Variants in PAWR observed in about 807,000 individuals in gnomAD.
The protein encoded by PAWR is pro-apoptotic WT1 regulator, also known as PRKC apoptosis WT1 regulator protein.
A neutral mutation model predicts 32.0 loss-of-function variants in PAWR; 23 were observed. The observed-to-expected ratio is 0.72, with a 90% CI of 0.52 to 1.02. The LOEUF is 1.02. Among genes scored for constraint, PAWR ranks in the 50% least tolerant of loss-of-function variants. The pLI, the probability that PAWR is intolerant of heterozygous loss-of-function variation, is 0.00. For missense variants in PAWR, 457 were observed against 437.7 expected (o/e 1.04, Z -0.39); for synonymous variants, 226 against 187.1 (o/e 1.21, Z -1.70).
At chr12:79,596,223 A>G (rs530533750) in intron 5 of PAWR, among the ~76,000 whole-genome samples, 8 of 152,314 alleles carry the variant, frequency 5.3e-5, no homozygotes, top group Admixed American at 4.6e-4. Flanking sequence ...AATTGTTTCA[A>G]ACACCAAAGA....
In PAWR at chr12:79,589,487, C is replaced by A. The variant is rs1202224595; in HGVS notation, c.*3120G>T. On this transcript the variant is annotated 3_prime_UTR_variant, in exon 7 of 7. Coordinates refer to ENST00000328827, the MANE Select transcript of PAWR (RefSeq NM_002583.4). The stretch of plus-strand genomic sequence containing the variant: ...TTTTTAAACTGAAGAAAAAAAAAAA[C>A]TACATTGCTCCACATACCTGATACT... 6.6e-6 allele frequency: 1 copy of A among 151,294 alleles called. No homozygotes were observed. The highest frequency in any genetic ancestry group is 2.4e-5 in the African/African-American group (1 of 41,164). 9.4% of individuals were successfully genotyped at this position (151,294 alleles called of 1,614,324 possible). A position where few individuals can be genotyped will look rare whatever the true frequency, so the allele number is the denominator to read the frequency against.
chr12:79,653,527 T>C (rs1876954169), intron 2 of PAWR, among the ~76,000 whole-genome samples: 1 of 152,220 alleles, frequency 6.6e-6, no homozygotes, highest in Non-Finnish European at 1.5e-5. Context: ...TTGCCCAGGC[T>C]GGAGTGCAAT....
intron 2 of PAWR, among the ~76,000 whole-genome samples, chr12:79,623,031 G>T (rs1214896313): frequency 6.6e-6 from 1 of 152,068 alleles, no homozygotes; most frequent in Non-Finnish European, 1.5e-5. Flanking sequence ...CTTGGGATAA[G>T]GAATGATCAA....
At chr12:79,634,640 T>C (rs1302776395) in intron 2 of PAWR, among the ~76,000 whole-genome samples, 1 of 146,168 alleles carries the variant, frequency 6.8e-6, no homozygotes, top group East Asian at 2.0e-4. Context: ...ATTTACTGCA[T>C]TGCAACCCAG....
At chr12:79,607,980 C>A (rs185872311) in intron 4 of PAWR, among the ~76,000 whole-genome samples, 1 of 147,142 alleles carries the variant, frequency 6.8e-6, no homozygotes, top group Non-Finnish European at 1.5e-5. Flanking sequence ...ACCTGGGAGG[C>A]GGAGGTTGCA....
At chr12:79,689,376 T>C (rs541912071) in intron 2 of PAWR, among the ~76,000 whole-genome samples, 1 of 152,106 alleles carries the variant, frequency 6.6e-6, no homozygotes, top group African/African-American at 2.4e-5. Flanking sequence ...TTAATCAATT[T>C]TTCTAACTGA....
intron 2 of PAWR, among the ~76,000 whole-genome samples, chr12:79,669,099 T>C (rs1471068027): frequency 1.3e-5 from 2 of 152,244 alleles, no homozygotes; most frequent in Non-Finnish European, 2.9e-5. Flanking sequence ...CATTTTGGCT[T>C]GAATGACTTC....
intron 3 of PAWR, among the ~76,000 whole-genome samples, chr12:79,620,086 G>A (rs1475295478): frequency 6.6e-6 from 1 of 152,142 alleles, no homozygotes; most frequent in African/African-American, 2.4e-5. Flanking sequence ...ACAGCCCTCA[G>A]TAAAATTATG....
At chr12:79,656,359 A>G (rs1370030826) in intron 2 of PAWR, among the ~76,000 whole-genome samples, 3 of 152,204 alleles carry the variant, frequency 2.0e-5, no homozygotes, top group Non-Finnish European at 4.4e-5. Context: ...TGTGGTAGTA[A>G]TGAGAATGGG....
intron 2 of PAWR, among the ~76,000 whole-genome samples, chr12:79,626,167 A>C (rs1428367821): frequency 9.8e-6 from 1 of 101,726 alleles, no homozygotes; most frequent in Non-Finnish European, 1.6e-5. Flanking sequence ...CCATCTTAAA[A>C]AAAAAAAAAA....
Position 79,645,354 on chromosome 12 carries a change from A to G in PAWR, c.517-24147T>C, listed in dbSNP as rs554183318. ...TCATGAAAAGATTACTTAGCCCACT[A>G]AGAGTGTGATGAACAGAGGAAGTTT... On this transcript the variant is annotated intron_variant, in intron 2 of 6. Coordinates refer to ENST00000328827, the MANE Select transcript of PAWR (RefSeq NM_002583.4). Among the ~76,000 whole-genome samples, 5 of 152,296 alleles carry G rather than the reference A, an allele frequency of 3.3e-5. 1 individual carries two copies. In the South Asian group the frequency reaches 1.0e-3, roughly 32 times the overall value.
chr12:79,604,469 G>A, intron 4 of PAWR: 2 of 1,074,856 alleles, frequency 1.9e-6, no homozygotes, highest in Non-Finnish European at 2.3e-6. Context: ...ATAGCTAGAG[G>A]AATTTTCCAC....
chr12:79,631,174 A>G (rs1453082527), intron 2 of PAWR, among the ~76,000 whole-genome samples: 1 of 152,166 alleles, frequency 6.6e-6, no homozygotes, highest in Non-Finnish European at 1.5e-5. Context: ...CCTTAATCTG[A>G]TCAGAAAAAC....
chr12:79,688,428 C>T (rs1209518625), intron 2 of PAWR: 2 of 149,624 alleles, frequency 1.3e-5, no homozygotes, highest in Non-Finnish European at 3.0e-5. Context: ...TTTTCCAAAG[C>T]CTTGTCTTCA....
chr12:79,607,753 A>G (rs1874250873), intron 4 of PAWR, among the ~76,000 whole-genome samples: 1 of 150,506 alleles, frequency 6.6e-6, no homozygotes, highest in Non-Finnish European at 1.5e-5. Context: ...AAATAATAAT[A>G]ATAATAATAA....
At chr12:79,678,026 T>C (rs566882719) in intron 2 of PAWR, among the ~76,000 whole-genome samples, 13 of 152,332 alleles carry the variant, frequency 8.5e-5, no homozygotes, top group African/African-American at 3.1e-4. Context: ...TATAATTATT[T>C]TTGTCATCAA....
Position 79,690,113 on chromosome 12 carries a change from C to G in PAWR, c.132G>C (p.Gly44=). The G allele has an allele frequency of 6.7e-7, 1 of 1,497,556 alleles. No individual in the cohort carries two copies. Among genetic ancestry groups the G allele is most frequent in the South Asian group, 1.2e-5 (1 of 81,280 alleles). The allele number at this position is 1,497,556 out of a possible 1,614,324, so 92.8% of individuals were successfully genotyped here. Residue 44 remains glycine (G), a synonymous_variant, in exon 2 of 7, where the codon GGG becomes GGC. Coordinates refer to ENST00000328827, the MANE Select transcript of PAWR (RefSeq NM_002583.4). ...QNPPGPAPPG[G]GSSDAAGKPP... is the part of the protein sequence containing the mutation. Reference sequence around the variant, plus strand: ...GCTTCCCAGCGGCGTCGCTGCTGCCCCCTCCCGGGGGGGCCGGGCCCGGGG... The same window carrying G: ...GCTTCCCAGCGGCGTCGCTGCTGCCGCCTCCCGGGGGGGCCGGGCCCGGGG...
intron 3 of PAWR, among the ~76,000 whole-genome samples, chr12:79,619,208 A>C (rs1479602714): frequency 6.6e-6 from 1 of 152,142 alleles, no homozygotes; most frequent in Non-Finnish European, 1.5e-5. Context: ...ATCCCTTTGT[A>C]AAATGTAACC....
chr12:79,621,554 G>A (rs1402852807), intron 2 of PAWR, among the ~76,000 whole-genome samples: 1 of 151,928 alleles, frequency 6.6e-6, no homozygotes, highest in African/African-American at 2.4e-5. Context: ...AACAAAGGAT[G>A]CATTAAAGAA....
Sources: gnomAD v4.1 joint callset for allele counts (sites outside exome capture counted in the v4.1 genomes callset) on GRCh38, gnomAD v4.1.1 for gene constraint, MANE v1.5 for transcripts, NCBI Gene and HGNC (gene_info 2026-07-23, HGNC 2026-07-21) for gene names.